Variants in VAV2 observed in about 807,000 individuals in gnomAD.
VAV2 encodes the protein guanine nucleotide exchange factor VAV2.
VAV2 carries 67 observed loss-of-function variants against 132.5 expected under a neutral mutation model. The ratio of observed to expected loss-of-function variants is 0.51; its 90% CI spans 0.42 to 0.62. The LOEUF is 0.62. VAV2 is among the 20% of genes least tolerant of loss of function. VAV2 has a pLI of 0.00. For missense variants in VAV2, 938 were observed against 1,153.6 expected (o/e 0.81, Z 2.71); for synonymous variants, 492 against 443.5 (o/e 1.11, Z -1.37).
At chr9:133,862,923 G>A (rs973740639) in intron 2 of VAV2, among the ~76,000 whole-genome samples, 3 of 152,232 alleles carry the variant, frequency 2.0e-5, no homozygotes, top group African/African-American at 7.2e-5. Flanking sequence ...GGCGGCGGCT[G>A]AGTGCTGCCT....
Position 133,763,878 on chromosome 9 carries a change from C to T in VAV2, c.*184G>A, listed in dbSNP as rs935996085. 2.1e-5 allele frequency: 15 copies of T among 704,446 alleles called. No individual in the cohort carries two copies. The highest frequency in any genetic ancestry group is 1.8e-4 in the South Asian group (10 of 56,428). 43.6% of individuals were successfully genotyped at this position (704,446 alleles called of 1,614,324 possible). ...AATAGCATACCCAGTGATGGGTCGC[C>T]GAGGGCAGGCTGACAGTGAAACGGT... On this transcript the variant is annotated 3_prime_UTR_variant, in exon 30 of 30. Coordinates refer to ENST00000371850, the MANE Select transcript of VAV2 (RefSeq NM_001134398.2). The surrounding 1 kb of genome is among the most constrained non-coding windows in gnomAD (Gnocchi z 6.8).
chr9:133,819,074 C>T (rs1187499140), intron 4 of VAV2, among the ~76,000 whole-genome samples: 1 of 151,794 alleles, frequency 6.6e-6, no homozygotes, highest in Non-Finnish European at 1.5e-5. Context: ...TTCTTTAATC[C>T]ATGACTACGA....
intron 2 of VAV2, among the ~76,000 whole-genome samples, chr9:133,865,499 G>A (rs767322103): frequency 9.2e-5 from 14 of 151,898 alleles, no homozygotes; most frequent in Admixed American, 4.6e-4. Context: ...TACTGTTTAA[G>A]ACACATACTG....
chr9:133,950,368 A>C (rs1321208600), intron 1 of VAV2, among the ~76,000 whole-genome samples: 2 of 152,122 alleles, frequency 1.3e-5, no homozygotes, highest in African/African-American at 4.8e-5. Context: ...ACCGAATAAG[A>C]GGCACCTACT....
chr9:133,795,531 T>C (rs1326653001), intron 12 of VAV2, 137 bp downstream of exon 12: 18 of 1,103,412 alleles, frequency 1.6e-5, no homozygotes, highest in Non-Finnish European at 2.4e-5. Context: ...TGCCCTGCCC[T>C]GCCCTGCCCC....
chr9:133,987,488 C>T (rs1476244190), intron 1 of VAV2, among the ~76,000 whole-genome samples: 6 of 152,216 alleles, frequency 3.9e-5, no homozygotes, highest in Non-Finnish European at 8.8e-5. Context: ...CAAAAAGGCC[C>T]GGAGGGGGGG....
chr9:133,788,908 G>A lies in VAV2; in HGVS notation c.1274+350C>T, dbSNP rs1834341893. 6.6e-6 allele frequency among the ~76,000 whole-genome samples: 1 copy of A among 152,180 alleles called. No individual in the cohort carries two copies. Among genetic ancestry groups the A allele is most frequent in the African/African-American group, 2.4e-5 (1 of 41,448 alleles). ...GGGCCCTGGACAAGCCTGGGCCACCGTGCGCCTGGACACTCTCCGGCAGTC... is the reference window on the plus strand; with the variant it reads ...GGGCCCTGGACAAGCCTGGGCCACCATGCGCCTGGACACTCTCCGGCAGTC... On this transcript the variant is annotated intron_variant, in intron 14 of 29. Coordinates refer to ENST00000371850, the MANE Select transcript of VAV2 (RefSeq NM_001134398.2). The surrounding 1 kb of genome is among the most constrained non-coding windows in gnomAD (Gnocchi z 5.3).
At chr9:133,934,946 G>A (rs1019904651) in intron 2 of VAV2, among the ~76,000 whole-genome samples, 4 of 152,140 alleles carry the variant, frequency 2.6e-5, no homozygotes, top group Non-Finnish European at 2.9e-5. Flanking sequence ...AGTAGGAGCC[G>A]ATCAGACAAG....
At position 133,969,606 on chromosome 9, in the gene VAV2, G is replaced by A. The variant is rs1842259872; in HGVS notation, c.204+22469C>T. Among the ~76,000 whole-genome samples, 1 of 152,048 alleles carries A rather than the reference G, an allele frequency of 6.6e-6. No individual in the cohort carries two copies. Among genetic ancestry groups the A allele is most frequent in the South Asian group, 2.1e-4 (1 of 4,826 alleles). On this transcript the variant is annotated intron_variant, in intron 1 of 29. Coordinates refer to ENST00000371850, the MANE Select transcript of VAV2 (RefSeq NM_001134398.2). The surrounding 1 kb of genome is among the most constrained non-coding windows in gnomAD (Gnocchi z 5.1). ...AGACATCCCTGCAACCTTGGCCAGT[G>A]GGGGACTTGAACCCCTAGGGCCAAC...
In VAV2 at chr9:133,834,144, G is replaced by T; in HGVS notation, c.449+128C>A. 9.4e-7 allele frequency: 1 copy of T among 1,062,762 alleles called. No individual in the cohort carries two copies. Among genetic ancestry groups the T allele is most frequent in the Non-Finnish European group, 1.4e-6 (1 of 732,270 alleles). The allele number at this position is 1,062,762 out of a possible 1,614,324, so 65.8% of individuals were successfully genotyped here. The stretch of plus-strand genomic sequence containing the variant: ...TGACCCATCATGAGGAGATGCCCCG[G>T]TGGGAAGGGCCAGGGCCAGCTCTGC... On this transcript the variant is annotated intron_variant, in intron 4 of 29. Coordinates refer to ENST00000371850, the MANE Select transcript of VAV2 (RefSeq NM_001134398.2). The surrounding 1 kb of genome is among the most constrained non-coding windows in gnomAD (Gnocchi z 5.9).
chr9:133,939,028 TG>T, intron 2 of VAV2, 74 bp downstream of exon 2: 1 of 1,371,542 alleles, frequency 7.3e-7, no homozygotes, highest in Non-Finnish European at 1.0e-6. Context: ...TCCATGGATC[TG>T]GCCCACCTGC....
intron 2 of VAV2, among the ~76,000 whole-genome samples, chr9:133,927,113 T>C (rs1372668990): frequency 1.3e-5 from 2 of 149,412 alleles, no homozygotes; most frequent in Admixed American, 6.7e-5. Flanking sequence ...TTACCAGTGG[T>C]GGCAAGAACA....
chr9:133,858,166 G>A (rs1023284873), intron 3 of VAV2, among the ~76,000 whole-genome samples: 4 of 152,210 alleles, frequency 2.6e-5, no homozygotes, highest in African/African-American at 7.2e-5. Flanking sequence ...GGATAAGAGC[G>A]TCTTTGTATA....
chr9:133,830,473 A>G (rs1200193730), intron 4 of VAV2, among the ~76,000 whole-genome samples: 1 of 152,118 alleles, frequency 6.6e-6, no homozygotes, highest in Non-Finnish European at 1.5e-5. Context: ...ACGAGATCTG[A>G]TGGTTTTATA....
chr9:133,859,877 T>C (rs1237030289), intron 3 of VAV2, among the ~76,000 whole-genome samples: 1 of 152,240 alleles, frequency 6.6e-6, no homozygotes, highest in African/African-American at 2.4e-5. Context: ...GAGGGACTGG[T>C]GGGGCCTCAG....
In VAV2 at chr9:133,919,049, A is replaced by C. The variant is rs1318054288; in HGVS notation, c.321+20054T>G. Among the ~76,000 whole-genome samples the C allele has an allele frequency of 1.3e-5, 2 of 152,122 alleles. No individual in the cohort carries two copies. Among genetic ancestry groups the C allele is most frequent in the Non-Finnish European group, 2.9e-5 (2 of 68,018 alleles). ...CGGCCTCCCAAAGTGCTGGGATTAC[A>C]GGTGAGAGCTACCACCCCCGGCCGC... is the stretch of plus-strand genomic sequence containing the variant. On this transcript the variant is annotated intron_variant, in intron 2 of 29. Transcript: ENST00000371850. This position sits in a 1 kb window ranked among gnomAD's most constrained non-coding sequence, Gnocchi z 5.8.
chr9:133,900,965 A>G (rs915667785), intron 2 of VAV2, among the ~76,000 whole-genome samples: 8 of 149,556 alleles, frequency 5.3e-5, no homozygotes, highest in African/African-American at 2.0e-4. Context: ...ACGCCCGGCT[A>G]ATTTTTGTAT....
intron 3 of VAV2, among the ~76,000 whole-genome samples, chr9:133,854,614 G>A (rs1837318050): frequency 6.6e-6 from 1 of 152,188 alleles, no homozygotes; most frequent in African/African-American, 2.4e-5. Context: ...ACCCTTCAGA[G>A]AGCTGGCCGC....
chr9:133,817,002 T>C (rs1053136839), intron 4 of VAV2, among the ~76,000 whole-genome samples: 1 of 152,234 alleles, frequency 6.6e-6, no homozygotes, highest in Non-Finnish European at 1.5e-5. Flanking sequence ...TTTACAACCG[T>C]CTTGTCAATT....
Sources: gnomAD v4.1 joint callset for allele counts (sites outside exome capture counted in the v4.1 genomes callset) on GRCh38, gnomAD v4.1.1 for gene constraint, Gnocchi (gnomAD v3.1) non-coding constraint, MANE v1.5 for transcripts, NCBI Gene and HGNC (gene_info 2026-07-23, HGNC 2026-07-21) for gene names.